The following ABHD3 variants were observed in gnomAD, a reference collection of about 807,000 sequenced individuals.
ABHD3 encodes abhydrolase domain containing 3, phospholipase.
In ABHD3, 46 loss-of-function variants were observed where a neutral mutation model predicts 48.8. The ratio of observed to expected loss-of-function variants is 0.94; its 90% CI spans 0.74 to 1.20. The LOEUF (loss-of-function observed/expected upper bound fraction) is 1.20, where lower values mean the gene tolerates loss of function less well. ABHD3 is among the 50% of genes most tolerant of loss of function. The pLI, the probability that ABHD3 is intolerant of heterozygous loss-of-function variation, is 0.00. For synonymous variants in ABHD3, 192 were observed against 183.7 expected (o/e 1.04, Z -0.36); for missense variants, 490 against 497.8 (o/e 0.98, Z 0.15).
intron 4 of ABHD3, among the ~76,000 whole-genome samples, chr18:21,679,484 G>A (rs1460332536): frequency 3.3e-5 from 5 of 152,200 alleles, no homozygotes; most frequent in Middle Eastern, 3.2e-3. Context: ...AGTTAATACA[G>A]TAGTAGTTAT....
intron 5 of ABHD3, among the ~76,000 whole-genome samples, chr18:21,661,520 A>G (rs571554325): frequency 6.6e-6 from 1 of 151,716 alleles, no homozygotes; most frequent in African/African-American, 2.4e-5. Context: ...AATCCTAGCT[A>G]CTCGTGAGGC....
chr18:21,683,772 C>CT (rs2040061975), intron 4 of ABHD3, 148 bp downstream of exon 4: 4 of 734,448 alleles, frequency 5.4e-6, no homozygotes, highest in Admixed American at 4.0e-5. Flanking sequence ...TGTAAATTTC[C>CT]TTTTTTTCCA....
chr18:21,696,201 T>C lies in ABHD3; in HGVS notation c.509+6115A>G, dbSNP rs539138658. Reference sequence around the variant, plus strand: ...CTCTGTTGCCCAGACTGGAGTGCAGTGGCGCGATCTCGGCTCACTGCAAGC... The same window carrying C: ...CTCTGTTGCCCAGACTGGAGTGCAGCGGCGCGATCTCGGCTCACTGCAAGC... On this transcript the variant is annotated intron_variant, in intron 3 of 8. Coordinates refer to ENST00000289119, the MANE Select transcript of ABHD3 (RefSeq NM_138340.5). Among the ~76,000 whole-genome samples the C allele has an allele frequency of 5.3e-5, 8 of 151,294 alleles. No individual in the cohort carries two copies. In the South Asian group the frequency reaches 1.5e-3, roughly 28 times the overall value.
chr18:21,696,997 A>T (rs2040385351), intron 3 of ABHD3, among the ~76,000 whole-genome samples: 1 of 152,074 alleles, frequency 6.6e-6, no homozygotes, highest in Admixed American at 6.6e-5. Flanking sequence ...AAAAGAGTAC[A>T]TACTCAATCC....
chr18:21,681,152 T>C (rs2039997898), intron 4 of ABHD3, among the ~76,000 whole-genome samples: 1 of 152,116 alleles, frequency 6.6e-6, no homozygotes, highest in South Asian at 2.1e-4. Context: ...GTCTCTCTCT[T>C]GCTTGCCTAT....
chr18:21,657,238 G>T, intron 6 of ABHD3, 86 bp from the exon 7 acceptor site: 1 of 1,229,432 alleles, frequency 8.1e-7, no homozygotes, highest in Non-Finnish European at 1.1e-6. Context: ...TTACTAAACA[G>T]CCTACCACAG....
At chr18:21,672,714 A>G (rs1181687111) in intron 4 of ABHD3, among the ~76,000 whole-genome samples, 1 of 152,190 alleles carries the variant, frequency 6.6e-6, no homozygotes, top group Non-Finnish European at 1.5e-5. Flanking sequence ...CAAATTGCCT[A>G]AGTTGTCCCT....
At chr18:21,702,242 A>G in intron 3 of ABHD3, 74 bp downstream of exon 3, 1 of 1,308,754 alleles carries the variant, frequency 7.6e-7, no homozygotes, top group Non-Finnish European at 1.0e-6. Context: ...AGTATTTCTG[A>G]AACAAACATG....
At position 21,651,649 on chromosome 18, in the gene ABHD3, T is replaced by C. The variant is rs1234477957; in HGVS notation, c.1172A>G (p.Asp391Gly). Residue 391 changes from aspartate (D) to glycine (G), a missense_variant, in exon 9 of 9, where the codon GAT (aspartate) becomes GGT (glycine). Transcript: ENST00000289119. ...TTGCACAAATTGCTTGAAGACACGA[T>C]CCATGTAAGTGGACTGTCTTGGCCA... ...GIWPRQSTYM[D>G]RVFKQFVQAM... is the part of the protein sequence containing the mutation. 1 of 1,614,046 alleles carries C rather than the reference T, an allele frequency of 6.2e-7. No homozygotes were observed. Among genetic ancestry groups the C allele is most frequent in the Admixed American group, 1.7e-5 (1 of 59,996 alleles).
chr18:21,667,234 CTTTTTTTTTTTTTTTTTT>C (rs745430805), intron 4 of ABHD3, among the ~76,000 whole-genome samples: 1 of 81,440 alleles, frequency 1.2e-5, no homozygotes, highest in South Asian at 4.6e-4. Context: ...CCACCACACC[CTTTTTTTTTTTTTTTTTT>C]TTTTTTTTTG....
chr18:21,703,484 C>T (rs2040561285), intron 2 of ABHD3, 100 bp downstream of exon 2: 2 of 1,428,264 alleles, frequency 1.4e-6, no homozygotes, highest in Non-Finnish European at 9.6e-7. Context: ...CTATATACTT[C>T]CTAAAGCAGA....
intron 4 of ABHD3, among the ~76,000 whole-genome samples, chr18:21,680,437 G>A (rs1202079984): frequency 1.3e-5 from 2 of 152,214 alleles, no homozygotes; most frequent in Non-Finnish European, 2.9e-5. Context: ...ATCACTTATA[G>A]CTGGTTAGTG....
At chr18:21,692,804 CTT>C (rs1277147032) in intron 3 of ABHD3, among the ~76,000 whole-genome samples, 1 of 152,148 alleles carries the variant, frequency 6.6e-6, no homozygotes, top group East Asian at 1.9e-4. Flanking sequence ...AGCTGTGTCT[CTT>C]TGGTATTTTT....
chr18:21,692,967 G>C (rs980236938), intron 3 of ABHD3, among the ~76,000 whole-genome samples: 1 of 152,182 alleles, frequency 6.6e-6, no homozygotes, highest in African/African-American at 2.4e-5. Flanking sequence ...TCAGAGACAT[G>C]GATTACAGGA....
In ABHD3 at chr18:21,693,357, G is replaced by T. The variant is rs2040295431; in HGVS notation, c.509+8959C>A. On this transcript the variant is annotated intron_variant, in intron 3 of 8. Coordinates refer to ENST00000289119, the MANE Select transcript of ABHD3 (RefSeq NM_138340.5). The stretch of plus-strand genomic sequence containing the variant: ...TGCTGAGCAATGACATAATTTGTCT[G>T]TGGGTAGGCAGGTAGTGTATGACAG... Among the ~76,000 whole-genome samples the T allele has an allele frequency of 3.9e-5, 6 of 152,170 alleles. No homozygotes were observed. In the South Asian group the frequency reaches 1.2e-3, roughly 32 times the overall value.
chr18:21,698,119 G>T (rs1420299325), intron 3 of ABHD3, among the ~76,000 whole-genome samples: 1 of 151,970 alleles, frequency 6.6e-6, no homozygotes, highest in Non-Finnish European at 1.5e-5. Flanking sequence ...ACTCCCACAA[G>T]GAAACTACAT....
chr18:21,697,074 CTTT>C (rs781661076), intron 3 of ABHD3, among the ~76,000 whole-genome samples: 6 of 135,664 alleles, frequency 4.4e-5, no homozygotes, highest in Admixed American at 1.5e-4. Context: ...ATTCTATTAA[CTTT>C]TTTTTTTTTT....
chr18:21,668,016 C>G (rs2039673821), intron 4 of ABHD3, among the ~76,000 whole-genome samples: 1 of 151,506 alleles, frequency 6.6e-6, no homozygotes, highest in Non-Finnish European at 1.5e-5. Context: ...GCCTGACCAA[C>G]ATGGTGAAAC....
rs762752663 is a variant in ABHD3, at chr18:21,651,594, A to G, written c.1227T>C (p.Ser409=). 25 of 1,613,984 alleles carry G rather than the reference A, an allele frequency of 1.5e-5. No individual in the cohort carries two copies. The highest frequency in any genetic ancestry group is 1.9e-5 in the Non-Finnish European group (22 of 1,180,000). Residue 409 remains serine, a synonymous_variant, in exon 9 of 9, where the codon TCT becomes TCC. Transcript: ENST00000289119. ...AATGCACCCAAAGAACTACATGTTAAGAGAGTTCATGTCCATGCTCAACCA... is the reference window on the plus strand; with the variant it reads ...AATGCACCCAAAGAACTACATGTTAGGAGAGTTCATGTCCATGCTCAACCA... The part of the protein sequence containing the change: ...QAMVEHGHEL[S]
Sources: gnomAD v4.1 joint callset for allele counts (sites outside exome capture counted in the v4.1 genomes callset) on GRCh38, gnomAD v4.1.1 for gene constraint, MANE v1.5 for transcripts, NCBI Gene and HGNC (gene_info 2026-07-23, HGNC 2026-07-21) for gene names.